USP16: variants seen among roughly 807,000 people sequenced by gnomAD.
The protein encoded by USP16 is ubiquitin specific peptidase 16.
A neutral mutation model predicts 95.9 loss-of-function variants in USP16; 77 were observed. The ratio of observed to expected loss-of-function variants is 0.80; its 90% CI spans 0.67 to 0.97. The LOEUF (loss-of-function observed/expected upper bound fraction) is 0.97. Ranked by LOEUF, USP16 falls within the 50% of genes least tolerant of loss-of-function variation. The probability of loss-of-function intolerance (pLI) is 0.00; values close to 1 mark genes in which losing one functional copy is unlikely to be tolerated. For synonymous variants in USP16, 303 were observed against 318.2 expected (o/e 0.95, Z 0.51); for missense variants, 943 against 959.9 (o/e 0.98, Z 0.23).
chr21:29,047,599 A>G (rs2085346228), intron 14 of USP16, among the ~76,000 whole-genome samples: 2 of 152,156 alleles, frequency 1.3e-5, no homozygotes, highest in South Asian at 4.1e-4. Flanking sequence ...ATCCTGACAC[A>G]TAGTGGCTAT....
At chr21:29,039,369 T>C (rs2085210379) in intron 8 of USP16, 112 bp from the exon 9 acceptor site, 1 of 1,254,816 alleles carries the variant, frequency 8.0e-7, no homozygotes, top group East Asian at 2.6e-5. Context: ...AACGGAAATT[T>C]GTAGAAACCA....
At chr21:29,050,258 T>G (rs1407271881) in intron 16 of USP16, 80 bp downstream of exon 16, 2 of 1,278,310 alleles carry the variant, frequency 1.6e-6, no homozygotes, top group African/African-American at 3.0e-5. Flanking sequence ...GCAACTCACT[T>G]AAGTATGAAG....
chr21:29,042,212 T>C (rs1278090916), intron 11 of USP16, 108 bp downstream of exon 11: 1 of 1,017,482 alleles, frequency 9.8e-7, no homozygotes, highest in Non-Finnish European at 1.4e-6. Context: ...CTTTTTAAAC[T>C]ATTCAGATGC....
chr21:29,025,101 T>C (rs922828214), intron 1 of USP16, among the ~76,000 whole-genome samples: 3 of 152,152 alleles, frequency 2.0e-5, no homozygotes, highest in African/African-American at 7.2e-5. Flanking sequence ...GGCAGGGACT[T>C]CCCTATGGGT....
At chr21:29,028,029 A>C (rs1601038593) in intron 2 of USP16, 55 bp downstream of exon 2, 1 of 1,336,860 alleles carries the variant, frequency 7.5e-7, no homozygotes, top group Non-Finnish European at 1.1e-6. Context: ...AATATGTTTT[A>C]AAATGTAAAA....
intron 3 of USP16, among the ~76,000 whole-genome samples, chr21:29,034,571 C>A (rs1420399381): frequency 1.3e-5 from 2 of 152,164 alleles, no homozygotes; most frequent in East Asian, 3.9e-4. Flanking sequence ...CTGGCCTCAG[C>A]CTCCCAAAGT....
chr21:29,038,554 A>G lies in USP16; in HGVS notation c.732+124A>G, dbSNP rs1601055736. 9.3e-6 allele frequency: 7 copies of G among 756,218 alleles called. No homozygotes were observed. The East Asian group carries it at 1.8e-4, about 19-fold the overall frequency. 46.8% of individuals were successfully genotyped at this position (756,218 alleles called of 1,614,324 possible). A position where few individuals can be genotyped will look rare whatever the true frequency, so the allele number is the denominator to read the frequency against. On this transcript the variant is annotated intron_variant, in intron 7 of 17. Transcript: ENST00000399976. ...TTGTTTTGTTTTACTTTAGGCTACT[A>G]ACTTAAACAGTTTCAGGCTAATAGA...
At chr21:29,025,822 G>A in intron 1 of USP16, 1 of 675,126 alleles carries the variant, frequency 1.5e-6, no homozygotes, top group Non-Finnish European at 1.8e-6. Context: ...TTCAGGACCT[G>A]CTATGTACTA....
In USP16 at chr21:29,035,154, A is replaced by C. The variant is rs371791316; in HGVS notation, c.344+214A>C. Among the ~76,000 whole-genome samples, 20 of 152,320 alleles carry C rather than the reference A, an allele frequency of 1.3e-4. No homozygotes were observed. In the East Asian group the frequency reaches 2.1e-3, roughly 16 times the overall value. On this transcript the variant is annotated intron_variant, in intron 4 of 17. Coordinates refer to ENST00000399976, the MANE Select transcript of USP16 (RefSeq NM_006447.3). ...AACATTGTAACATAGAAGACTTAAGAATCTTTACCCCTTTGTTTTTCTTGC... is the reference window on the plus strand; with the variant it reads ...AACATTGTAACATAGAAGACTTAAGCATCTTTACCCCTTTGTTTTTCTTGC...
At chr21:29,039,635 C>G in intron 9 of USP16, 67 bp downstream of exon 9, 1 of 1,460,304 alleles carries the variant, frequency 6.8e-7, no homozygotes, top group Non-Finnish European at 9.3e-7. Context: ...CATTTGATAT[C>G]TTACGAGTTA....
intron 9 of USP16, 42 bp downstream of exon 9, chr21:29,039,610 A>G (rs554780437): frequency 5.6e-5 from 88 of 1,572,158 alleles, no homozygotes; most frequent in Admixed American, 5.6e-4. Flanking sequence ...TCTTATCTTC[A>G]TAAGCTTTCT....
At position 29,043,434 on chromosome 21, in the gene USP16, A is replaced by T. The variant is rs768002703; in HGVS notation, c.1191A>T (p.Lys397Asn). Residue 397 changes from lysine to asparagine, a missense_variant, in exon 13 of 18, where the codon AAA becomes AAT. Physicochemically the swap from Lys to Asn is moderately conservative, Grantham distance 94 (BLOSUM62 0). Coordinates refer to ENST00000399976, the MANE Select transcript of USP16 (RefSeq NM_006447.3). ...ATCTATATTTTAAGAGTGGTAAGAA[A>T]AGTGTAAATGATAAAAATCTGAAAA... ...LPVLDDQSGK[K>N]SVNDKNLKKT... 6.5e-7 allele frequency: 1 copy of T among 1,528,228 alleles called. No individual in the cohort carries two copies. The highest frequency in any genetic ancestry group is 8.7e-7 in the Non-Finnish European group (1 of 1,144,982). 94.7% of individuals were successfully genotyped at this position (1,528,228 alleles called of 1,614,324 possible).
At chr21:29,042,985 C>G (rs1261521461) in intron 12 of USP16, 1 of 155,240 alleles carries the variant, frequency 6.4e-6, no homozygotes, top group African/African-American at 2.4e-5. Context: ...AGACCCTTGG[C>G]TTGTTAACTT....
In USP16 at chr21:29,038,396, T is replaced by C. The variant is rs1300058349; in HGVS notation, c.698T>C (p.Ile233Thr). Residue 233 changes from isoleucine to threonine, a missense_variant, in exon 7 of 18, where the codon ATT becomes ACT. Ile to Thr is a moderately conservative substitution (Grantham distance 89). Coordinates refer to ENST00000399976, the MANE Select transcript of USP16 (RefSeq NM_006447.3). ...LLKEVKMSGT[I>T]VKIEPPDLAL... ...AAAGAAGTGAAAATGTCTGGAACAA[T>C]TGTAAAAATTGAACCACCTGATTTG... 1 of 1,612,832 alleles carries C rather than the reference T, an allele frequency of 6.2e-7. No individual in the cohort carries two copies. Among genetic ancestry groups the C allele is most frequent in the East Asian group, 2.2e-5 (1 of 44,850 alleles).
chr21:29,037,579 C>CTTT (rs71189336), intron 6 of USP16, 116 bp downstream of exon 6: 123 of 184,214 alleles, frequency 6.7e-4, no homozygotes, highest in African/African-American at 1.7e-3. Flanking sequence ...CCAAAGAAAA[C>CTTT]TTTTTTTTTT....
rs1257176279 is a variant in USP16 at position 29,048,817 on chromosome 21, C to T, written c.2068C>T (p.Pro690Ser). 1.2e-6 allele frequency: 2 copies of T among 1,613,882 alleles called. No homozygotes were observed. Among genetic ancestry groups the T allele is most frequent in the Non-Finnish European group, 1.7e-6 (2 of 1,179,946 alleles). Residue 690 changes from proline to serine, a missense_variant, in exon 15 of 18, where the codon CCT becomes TCT. Pro to Ser is a moderately conservative substitution (Grantham distance 74). Transcript: ENST00000399976. Reference protein sequence around the residue: ...AKKQMLISLAPPVLTLHLKRF... With the variant: ...AKKQMLISLASPVLTLHLKRF... ...AAAGCAGATGCTAATTTCTCTTGCT[C>T]CTCCTGTTCTTACTCTTCATTTAAA...
Position 29,037,461 on chromosome 21 carries a change from C to T in USP16, c.634C>T (p.Gln212Ter). 1 of 1,571,920 alleles carries T rather than the reference C, an allele frequency of 6.4e-7. No homozygotes were observed. Among genetic ancestry groups the T allele is most frequent in the Non-Finnish European group, 8.6e-7 (1 of 1,163,402 alleles). ...CACATGTTTCTTCAATGCAGTTATG[C>T]AGGTACATTGTCATTTTTTTCCCTT... ...GNTCFFNAVM[Q>*]NLSQTPVLRE... Residue 212 changes from glutamine to a stop codon, truncating the protein, a stop_gained and splice_region_variant, in exon 6 of 18, where the codon CAG becomes TAG. Transcript: ENST00000399976. LOFTEE classifies it high-confidence loss of function.
Position 29,036,309 on chromosome 21 carries a change from C to G in USP16, c.383C>G (p.Ser128Ter). The change falls in exon 5 of 18, where the codon TCA becomes TGA. Residue 128 changes from serine (S) to a stop codon, truncating the protein, a stop_gained. Coordinates refer to ENST00000399976, the MANE Select transcript of USP16 (RefSeq NM_006447.3). LOFTEE classifies it high-confidence loss of function. ...VCDNEVQYCS[S>*]NQLGQVVDYV... ...GATAATGAGGTCCAGTATTGTAGTT[C>G]AAACCAGTTGGGTCAAGTGGTTGAT... 27 of 1,613,840 alleles carry G rather than the reference C, an allele frequency of 1.7e-5. No individual in the cohort carries two copies. Among genetic ancestry groups the G allele is most frequent in the Non-Finnish European group, 2.3e-5 (27 of 1,179,882 alleles).
rs1568878234 is a variant in USP16 at position 29,024,840 on chromosome 21, C to T, written c.-42+63C>T. On this transcript the variant is annotated intron_variant, in intron 1 of 17. Coordinates refer to ENST00000399976, the MANE Select transcript of USP16 (RefSeq NM_006447.3). ...CCTGGCTTTCTGCGCTGGGAGAGCT[C>T]CTGTTTTCCGCCCCAACTTCGTTCT... The T allele has an allele frequency of 4.9e-6, 6 of 1,229,398 alleles. No individual in the cohort carries two copies. The South Asian group carries it at 6.8e-5, about 14-fold the overall frequency. The allele number at this position is 1,229,398 out of a possible 1,614,324, so 76.2% of individuals were successfully genotyped here. A position where few individuals can be genotyped will look rare whatever the true frequency, so the allele number is the denominator to read the frequency against.
Sources: gnomAD v4.1 joint callset for allele counts (sites outside exome capture counted in the v4.1 genomes callset) on GRCh38, gnomAD v4.1.1 for gene constraint, MANE v1.5 for transcripts, NCBI Gene and HGNC (gene_info 2026-07-23, HGNC 2026-07-21) for gene names.